DTD1: variants seen among roughly 807,000 people sequenced by gnomAD.
The protein encoded by DTD1 is D-aminoacyl-tRNA deacylase 1, also known as D-tyrosyl-tRNA deacylase 1 homolog.
In DTD1, 13 loss-of-function variants were observed where a neutral mutation model predicts 25.6. The ratio of observed to expected loss-of-function variants is 0.51; its 90% confidence interval spans 0.33 to 0.81. The LOEUF is 0.81. DTD1 is among the 30% of genes least tolerant of loss of function. The pLI, the probability that DTD1 is intolerant of heterozygous loss-of-function variation, is 0.02. For missense variants in DTD1, 193 were observed against 266.4 expected (o/e 0.72, Z 1.92); for synonymous variants, 110 against 103.6 (o/e 1.06, Z -0.37).
chr20:18,669,426 C>T (rs549458742), intron 4 of DTD1, among the ~76,000 whole-genome samples: 5 of 152,276 alleles, frequency 3.3e-5, no homozygotes, highest in East Asian at 1.9e-4. Context: ...AAAGTTGGCC[C>T]GTCTTTGCAT....
intron 3 of DTD1, among the ~76,000 whole-genome samples, chr20:18,623,614 A>G (rs988063432): frequency 5.9e-5 from 9 of 152,146 alleles, no homozygotes; most frequent in Non-Finnish European, 1.5e-5. Context: ...TGGGACATGC[A>G]CACGGAAGCT....
chr20:18,633,979 C>T (rs1431141232), intron 4 of DTD1, among the ~76,000 whole-genome samples: 1 of 152,196 alleles, frequency 6.6e-6, no homozygotes, highest in Non-Finnish European at 1.5e-5. Flanking sequence ...GGAAGGAGAG[C>T]ATTACATTCT....
In DTD1 at chr20:18,705,321, A is replaced by G. The variant is rs566287259; in HGVS notation, c.478-38779A>G. Among the ~76,000 whole-genome samples the G allele has an allele frequency of 2.6e-5, 4 of 152,308 alleles. No homozygotes were observed. The South Asian group carries it at 8.3e-4, about 32-fold the overall frequency. ...GATTGGTTGATCTGAGTTCATCACT[A>G]TCCTCACACGTGGACATGGATTCAT... On this transcript the variant is annotated intron_variant, in intron 4 of 5. Transcript: ENST00000377452.
At chr20:18,633,474 C>T (rs2060796276) in intron 4 of DTD1, among the ~76,000 whole-genome samples, 1 of 152,198 alleles carries the variant, frequency 6.6e-6, no homozygotes, top group South Asian at 2.1e-4. Context: ...CCACACCACT[C>T]ATAAAACTCA....
chr20:18,712,560 C>G (rs1412160437), intron 4 of DTD1, among the ~76,000 whole-genome samples: 1 of 152,032 alleles, frequency 6.6e-6, no homozygotes, highest in African/African-American at 2.4e-5. Context: ...GACCTCGACC[C>G]GAGATCCCAT....
chr20:18,629,926 T>C (rs2060777517), intron 4 of DTD1, among the ~76,000 whole-genome samples: 1 of 151,968 alleles, frequency 6.6e-6, no homozygotes, highest in Non-Finnish European at 1.5e-5. Context: ...AAGGGGGAAG[T>C]CTACCCCCAT....
intron 5 of DTD1, among the ~76,000 whole-genome samples, chr20:18,744,842 C>G (rs890917618): frequency 8.6e-5 from 13 of 151,902 alleles, no homozygotes; most frequent in African/African-American, 3.1e-4. Flanking sequence ...AGCTACAATT[C>G]AAGATGAGAT....
chr20:18,588,492 A>T (rs1290254784), intron 1 of DTD1, among the ~76,000 whole-genome samples: 1 of 152,216 alleles, frequency 6.6e-6, no homozygotes, highest in East Asian at 1.9e-4. Flanking sequence ...GCATTTCCGG[A>T]GCAGGCACTC....
intron 1 of DTD1, chr20:18,592,672 C>T (rs900125566): frequency 1.9e-4 from 27 of 143,320 alleles, no homozygotes; most frequent in Admixed American, 8.6e-4. Context: ...CATAAAGATG[C>T]ATCTTTTTTT....
intron 5 of DTD1, among the ~76,000 whole-genome samples, chr20:18,761,460 A>G (rs149186633): frequency 6.6e-6 from 1 of 152,170 alleles, no homozygotes; most frequent in Non-Finnish European, 1.5e-5. Flanking sequence ...AGTTGGAGAC[A>G]TACTGTATAT....
intron 4 of DTD1, among the ~76,000 whole-genome samples, chr20:18,689,635 C>T (rs1050188630): frequency 7.9e-5 from 12 of 151,984 alleles, no homozygotes; most frequent in Non-Finnish European, 1.6e-4. Context: ...AATTACAGTG[C>T]ATGTGGACAA....
intron 4 of DTD1, chr20:18,632,323 A>G (rs1600332672): frequency 7.1e-6 from 7 of 985,476 alleles, no homozygotes; most frequent in Non-Finnish European, 8.4e-6. Context: ...TACATGGACC[A>G]GTTTCCTGGC....
chr20:18,749,948 G>A lies in DTD1; in HGVS notation c.*19+5677G>A, dbSNP rs1045422828. Among the ~76,000 whole-genome samples, 3 of 152,168 alleles carry A rather than the reference G, an allele frequency of 2.0e-5. No individual in the cohort carries two copies. The highest frequency in any genetic ancestry group is 6.6e-5 in the Admixed American group (1 of 15,266). On this transcript the variant is annotated intron_variant, in intron 5 of 5. Coordinates refer to ENST00000377452, the MANE Select transcript of DTD1 (RefSeq NM_080820.6). The surrounding 1 kb of genome is among the most constrained non-coding windows in gnomAD (Gnocchi z 4.2). ...GTACTGTCTGGGTTTTGGACAAAGC[G>A]CACAAGGAAAACCATTTATTGATGG... is the stretch of plus-strand genomic sequence containing the variant.
At chr20:18,606,166 C>T (rs2060656465) in intron 3 of DTD1, among the ~76,000 whole-genome samples, 1 of 150,332 alleles carries the variant, frequency 6.7e-6, no homozygotes, top group Admixed American at 6.6e-5. Flanking sequence ...AGCCAAAAAA[C>T]ACATGAAAAA....
chr20:18,748,933 C>T (rs2061311381), intron 5 of DTD1, among the ~76,000 whole-genome samples: 1 of 152,140 alleles, frequency 6.6e-6, no homozygotes, highest in African/African-American at 2.4e-5. Context: ...AAGGAGGAGG[C>T]AGTTGTGTTT....
In DTD1 at chr20:18,636,641, A is replaced by G. The variant is rs375384383; in HGVS notation, c.477+8408A>G. On this transcript the variant is annotated intron_variant, in intron 4 of 5. Transcript: ENST00000377452. ...GATGGGTCAGTGGGGTGTGAGTTGG[A>G]TCAAGTAGACTCTTAGGGGCTCACA... is the stretch of plus-strand genomic sequence containing the variant. 1.3e-4 allele frequency among the ~76,000 whole-genome samples: 20 copies of G among 152,238 alleles called. No homozygotes were observed. The East Asian group carries it at 2.7e-3, about 21-fold the overall frequency.
intron 3 of DTD1, 125 bp downstream of exon 3, chr20:18,596,366 G>A: frequency 1.3e-6 from 1 of 760,650 alleles, no homozygotes; most frequent in Non-Finnish European, 2.1e-6. Context: ...TACTTACTTA[G>A]AACCACATAC....
chr20:18,741,783 CATG>C, intron 4 of DTD1, among the ~76,000 whole-genome samples: 1 of 152,092 alleles, frequency 6.6e-6, no homozygotes, highest in East Asian at 1.9e-4. Context: ...AGTGCAGTGA[CATG>C]ATCTCAACTT....
At chr20:18,642,825 C>A in intron 4 of DTD1, 1 of 161,710 alleles carries the variant, frequency 6.2e-6, no homozygotes, top group South Asian at 1.7e-4. Context: ...AACAGGTTCC[C>A]TTTTTCTCTG....
Sources: gnomAD v4.1 joint callset for allele counts (sites outside exome capture counted in the v4.1 genomes callset) on GRCh38, gnomAD v4.1.1 for gene constraint, Gnocchi (gnomAD v3.1) non-coding constraint, MANE v1.5 for transcripts, NCBI Gene and HGNC (gene_info 2026-07-23, HGNC 2026-07-21) for gene names.